The following FDXACB1 variants were observed in gnomAD, a reference collection of about 807,000 sequenced individuals.
FDXACB1 encodes ferredoxin-fold anticodon binding domain containing 1.
Under a neutral mutation model 51.7 loss-of-function variants are expected in FDXACB1, and 41 were observed. That is an observed-to-expected ratio of 0.79 (90% confidence interval 0.62 to 1.03). The LOEUF (loss-of-function observed/expected upper bound fraction) is 1.03. Among genes scored for constraint, FDXACB1 ranks in the 50% least tolerant of loss-of-function variants. FDXACB1 has a pLI of 0.00. For synonymous variants in FDXACB1, 273 were observed against 278.6 expected, an observed-to-expected ratio of 0.98 and a Z score of 0.20; for missense variants, 697 against 746.4, an observed-to-expected ratio of 0.93 and a Z score of 0.77.
At chr11:111,877,032 A>C in intron 2 of FDXACB1, 21 bp from the exon 3 acceptor site, 1 of 1,555,042 alleles carries the variant, frequency 6.4e-7, no homozygotes, top group African/African-American at 1.4e-5. Context: ...GAAAAGAAAC[A>C]CTAACTAATT....
rs781806202 is a variant in FDXACB1 at position 111,879,144 on chromosome 11, A to G, written c.-12T>C. On this transcript the variant is annotated 5_prime_UTR_variant, in exon 1 of 5. Coordinates refer to ENST00000260257, the MANE Select transcript of FDXACB1 (RefSeq NM_138378.3). The stretch of plus-strand genomic sequence containing the variant: ...CGCCGAGGGGCCATGGCCTCCACGG[A>G]CTCCCGGCTCGCGTTCTCTGTGGCG... 2 of 1,587,628 alleles carry G rather than the reference A, an allele frequency of 1.3e-6. No individual in the cohort carries two copies. The highest frequency in any genetic ancestry group is 1.8e-5 in the Admixed American group (1 of 55,440).
chr11:111,876,043 C>A lies in FDXACB1; in HGVS notation c.754G>T (p.Glu252Ter), dbSNP rs1964807471. Reference protein sequence around the residue: ...IKTINEKLIAELGKVFPLKRL... With the variant: ...IKTINEKLIA Reference sequence around the variant, plus strand: ...TTTAGCGGGAAAACTTTGCCTAATTCAGCAATGAGTTTCTCATTTATGGTT... The same window carrying A: ...TTTAGCGGGAAAACTTTGCCTAATTAAGCAATGAGTTTCTCATTTATGGTT... Residue 252 changes from glutamate (E) to a stop codon, truncating the protein, a stop_gained, in exon 5 of 5, where the codon GAA (glutamate) becomes TAA (stop). Transcript: ENST00000260257. LOFTEE classifies it high-confidence loss of function. The A allele has an allele frequency of 6.2e-7, 1 of 1,613,808 alleles. No homozygotes were observed. The highest frequency in any genetic ancestry group is 1.1e-5 in the South Asian group (1 of 91,064).
chr11:111,878,176 G>A (rs898711569), intron 2 of FDXACB1, among the ~76,000 whole-genome samples: 3 of 151,796 alleles, frequency 2.0e-5, no homozygotes, highest in African/African-American at 4.8e-5. Context: ...TGGGCGACAG[G>A]GCGAGACTCT....
rs927551465 is a variant in FDXACB1, at chr11:111,879,097, C to T, written c.36G>A (p.Gly12=). The T allele has an allele frequency of 1.9e-6, 3 of 1,613,070 alleles. No individual in the cohort carries two copies. The highest frequency in any genetic ancestry group is 2.2e-5 in the East Asian group (1 of 44,830). Residue 12 remains glycine (G), a synonymous_variant, in exon 1 of 5, where the codon GGG becomes GGA. Coordinates refer to ENST00000260257, the MANE Select transcript of FDXACB1 (RefSeq NM_138378.3). ...TCAGAGCGGCGGCGAAGGAGAAATT[C>T]CCCTCCCCAACCAACAGGAGGCGCC... The part of the protein sequence containing the change: ...APRRLLLVGE[G]NFSFAAALSE...
intron 2 of FDXACB1, among the ~76,000 whole-genome samples, chr11:111,877,418 C>A (rs1555162333): frequency 6.6e-6 from 1 of 152,140 alleles, no homozygotes; most frequent in African/African-American, 2.4e-5. Flanking sequence ...GACAGCTATG[C>A]CCCATCGGAC....
Position 111,875,722 on chromosome 11 carries a change from T to A in FDXACB1, c.1075A>T (p.Ile359Phe), listed in dbSNP as rs782450166. Residue 359 changes from isoleucine (I) to phenylalanine (F), a missense_variant, in exon 5 of 5, where the codon ATC (isoleucine) becomes TTC (phenylalanine). This residue lies in a region of FDXACB1 where 538 missense variants were observed against 592.2 expected (regional missense o/e 0.91). Coordinates refer to ENST00000260257, the MANE Select transcript of FDXACB1 (RefSeq NM_138378.3). ...PSLLVHVQDV[I>F]EVPDFLSGSL... ...CCTGAGAGGAAGTCTGGTACTTCGA[T>A]GACATCCTGAACATGCACTAGGAGA... 3.1e-6 allele frequency: 5 copies of A among 1,613,550 alleles called. No homozygotes were observed. Among genetic ancestry groups the A allele is most frequent in the Non-Finnish European group, 3.4e-6 (4 of 1,179,888 alleles).
chr11:111,877,047 TAAAC>T (rs1459460930), intron 2 of FDXACB1, 36 bp from the exon 3 acceptor site: 13 of 1,541,862 alleles, frequency 8.4e-6, no homozygotes, highest in Non-Finnish European at 1.1e-5. Context: ...CTAATTATCA[TAAAC>T]AAGCAGAAAT....
intron 2 of FDXACB1, among the ~76,000 whole-genome samples, chr11:111,878,080 G>C (rs1273463071): frequency 2.0e-5 from 3 of 152,032 alleles, no homozygotes; most frequent in Admixed American, 1.3e-4. Context: ...CCAGCTACTT[G>C]GGAGGCTGAG....
At position 111,876,093 on chromosome 11, in the gene FDXACB1, T is replaced by C; in HGVS notation, c.704A>G (p.Glu235Gly). ...LVGKLNRGFLEAPSCHPIKTI... is the reference protein window; with the variant it reads ...LVGKLNRGFLGAPSCHPIKTI... ...TTTGATAGGATGACATGAAGGTGCT[T>C]CCAGGAAACCCCTGTTTAAACACAC... The change falls in exon 5 of 5, where the codon GAA (glutamate) becomes GGA (glycine). Residue 235 changes from glutamate (E) to glycine (G), a missense_variant. By Grantham distance (98) the Glu-to-Gly change is moderately conservative. Coordinates refer to ENST00000260257, the MANE Select transcript of FDXACB1 (RefSeq NM_138378.3). 1 of 1,601,628 alleles carries C rather than the reference T, an allele frequency of 6.2e-7. No individual in the cohort carries two copies. The highest frequency in any genetic ancestry group is 1.1e-5 in the South Asian group (1 of 88,750).
Position 111,874,944 on chromosome 11 carries a change from T to A in FDXACB1, c.1853A>T (p.His618Leu), listed in dbSNP as rs782653280. The change falls in exon 5 of 5, where the codon CAC becomes CTC. Residue 618 changes from histidine (H) to leucine (L), a missense_variant. His to Leu is a moderately conservative substitution (Grantham distance 99). This residue lies in a region of FDXACB1 where 538 missense variants were observed against 592.2 expected (regional missense o/e 0.91). Transcript: ENST00000260257. ...QSQFRKEIQQ[H>L]LYVIPR is the part of the protein sequence containing the mutation. ...AAACTACCGAGGTATAACATATAGG[T>A]GTTGTTGAATCTCCTTCCTAAACTG... is the stretch of plus-strand genomic sequence containing the variant. 1.9e-6 allele frequency: 3 copies of A among 1,613,736 alleles called. No individual in the cohort carries two copies. Among genetic ancestry groups the A allele is most frequent in the Non-Finnish European group, 1.7e-6 (2 of 1,179,862 alleles).
Position 111,875,541 on chromosome 11 carries a change from A to G in FDXACB1, c.1256T>C (p.Leu419Pro). 6.2e-7 allele frequency: 1 copy of G among 1,611,636 alleles called. No homozygotes were observed. Among genetic ancestry groups the G allele is most frequent in the South Asian group, 1.1e-5 (1 of 90,932 alleles). Residue 419 changes from leucine to proline, a missense_variant, in exon 5 of 5, where the codon CTA (leucine) becomes CCA (proline). Leu to Pro is a moderately conservative substitution (Grantham distance 98, BLOSUM62 -3). This residue lies in a region of FDXACB1 where 538 missense variants were observed against 592.2 expected (regional missense o/e 0.91). Coordinates refer to ENST00000260257, the MANE Select transcript of FDXACB1 (RefSeq NM_138378.3). Reference sequence around the variant, plus strand: ...CAATGTCTGGGTCAGCAGGCTATCTAGAATGCCCTTCAGATGATCCAGCAG... The same window carrying G: ...CAATGTCTGGGTCAGCAGGCTATCTGGAATGCCCTTCAGATGATCCAGCAG... Reference protein sequence around the residue: ...QSLLDHLKGILDSLLTQTLPE... With the variant: ...QSLLDHLKGIPDSLLTQTLPE...
Position 111,875,416 on chromosome 11 carries a change from A to C in FDXACB1, c.1381T>G (p.Cys461Gly). 1 of 1,613,638 alleles carries C rather than the reference A, an allele frequency of 6.2e-7. No homozygotes were observed. Among genetic ancestry groups the C allele is most frequent in the Non-Finnish European group, 8.5e-7 (1 of 1,179,844 alleles). Residue 461 changes from cysteine to glycine, a missense_variant, in exon 5 of 5, where the codon TGT becomes GGT. Physicochemically the swap from Cys to Gly is radical, Grantham distance 159. This residue lies in a region of FDXACB1 where 538 missense variants were observed against 592.2 expected (regional missense o/e 0.91). Transcript: ENST00000260257. Reference protein sequence around the residue: ...RVKTHNFSPDCTEDLIIGSVI... With the variant: ...RVKTHNFSPDGTEDLIIGSVI... ...GACCCAATAATTAGATCCTCAGTAC[A>C]ATCTGGGCTAAAATTATGAGTCTTC...
rs1964771749 is a variant in FDXACB1 at position 111,874,764 on chromosome 11, A to T, written c.*158T>A. The T allele has an allele frequency of 1.8e-6, 1 of 566,164 alleles. No individual in the cohort carries two copies. The highest frequency in any genetic ancestry group is 1.9e-5 in the African/African-American group (1 of 52,018). 35.1% of individuals were successfully genotyped at this position (566,164 alleles called of 1,614,324 possible). On this transcript the variant is annotated 3_prime_UTR_variant, in exon 5 of 5. Transcript: ENST00000260257. ...CGGCAGAGCAAGACTCCGTCTCAAA[A>T]AAAAAAAAAAAAAAAGATCAACGAA...
Position 111,874,981 on chromosome 11 carries a change from A to G in FDXACB1, c.1816T>C (p.Ser606Pro), listed in dbSNP as rs781990522. 33 of 1,613,890 alleles carry G rather than the reference A, an allele frequency of 2.0e-5. No homozygotes were observed. The highest frequency in any genetic ancestry group is 2.4e-5 in the Non-Finnish European group (28 of 1,179,902). ...TCCTTCCTAAACTGGGACTGCATTGATGCTACTTGCTGCTGGGTGAGGGCC... is the reference window on the plus strand; with the variant it reads ...TCCTTCCTAAACTGGGACTGCATTGGTGCTACTTGCTGCTGGGTGAGGGCC... ...DKALTQQQVA[S>P]MQSQFRKEIQ... is the part of the protein sequence containing the mutation. The change falls in exon 5 of 5, where the codon TCA (serine) becomes CCA (proline). Residue 606 changes from serine to proline, a missense_variant. By Grantham distance (74) the Ser-to-Pro change is moderately conservative (BLOSUM62 -1). Transcript: ENST00000260257.
At position 111,877,019 on chromosome 11, in the gene FDXACB1, G is replaced by T; in HGVS notation, c.330-8C>A. 6.4e-7 allele frequency: 1 copy of T among 1,564,820 alleles called. No homozygotes were observed. The highest frequency in any genetic ancestry group is 2.4e-5 in the East Asian group (1 of 42,492). Reference sequence around the variant, plus strand: ...GCAAGAACGTCTGCACAGCTAATAGGGAGAAAAGAAACACTAACTAATTAT... The same window carrying T: ...GCAAGAACGTCTGCACAGCTAATAGTGAGAAAAGAAACACTAACTAATTAT... On this transcript the variant is annotated splice_region_variant and splice_polypyrimidine_tract_variant and intron_variant, in intron 2 of 4. Transcript: ENST00000260257.
chr11:111,877,142 T>C (rs1592490198), intron 2 of FDXACB1, 131 bp from the exon 3 acceptor site: 1 of 886,456 alleles, frequency 1.1e-6, no homozygotes, highest in East Asian at 2.7e-5. Flanking sequence ...AAAAATCTAT[T>C]AGACCTCAAA....
chr11:111,879,059 TC>T lies in FDXACB1; in HGVS notation c.73del (p.Asp25IlefsTer73). On this transcript the variant is annotated frameshift_variant, in exon 1 of 5. Transcript: ENST00000260257. LOFTEE classifies it high-confidence loss of function. ...GGTGGCGGTAAGTTGAGTGCTCTGA[TC>T]CAGGGTTTCGCTCAGAGCGGCGGCG... ...SFAAALSETL[D>X]QSTQLTATCL... is the part of the protein sequence containing the mutation. 1.2e-6 allele frequency: 2 copies of T among 1,613,706 alleles called. No homozygotes were observed. The highest frequency in any genetic ancestry group is 8.5e-7 in the Non-Finnish European group (1 of 1,179,860).
intron 4 of FDXACB1, 27 bp from the exon 5 acceptor site, chr11:111,876,131 T>C (rs1964810409): frequency 6.6e-7 from 1 of 1,526,456 alleles, no homozygotes; most frequent in Admixed American, 2.1e-5. Flanking sequence ...AAAAATAACT[T>C]TTCTAACTTA....
rs782604734 is a variant in FDXACB1 at position 111,875,408 on chromosome 11, C to T, written c.1389G>A (p.Glu463=). The change falls in exon 5 of 5, where the codon GAG becomes GAA. Residue 463 remains glutamate, a synonymous_variant. Transcript: ENST00000260257. ...KTHNFSPDCT[E]DLIIGSVITS... ...TGATAACAGACCCAATAATTAGATC[C>T]TCAGTACAATCTGGGCTAAAATTAT... The T allele has an allele frequency of 1.9e-5, 30 of 1,613,486 alleles. No individual in the cohort carries two copies. Among genetic ancestry groups the T allele is most frequent in the Non-Finnish European group, 2.5e-5 (29 of 1,179,860 alleles).
Sources: gnomAD v4.1 joint callset for allele counts (sites outside exome capture counted in the v4.1 genomes callset) on GRCh38, gnomAD v4.1.1 for gene constraint, gnomAD v4.1.1 regional missense constraint, MANE v1.5 for transcripts, NCBI Gene and HGNC (gene_info 2026-07-23, HGNC 2026-07-21) for gene names.